Variants in ADAM32 observed in about 807,000 individuals in gnomAD.
ADAM32 encodes the protein disintegrin and metalloproteinase domain-containing protein 32.
Under a neutral mutation model 114.9 loss-of-function variants are expected in ADAM32, and 89 were observed. The observed-to-expected ratio is 0.77, with a 90% confidence interval of 0.65 to 0.92. ADAM32 has a LOEUF of 0.92. Among genes scored for constraint, ADAM32 ranks in the 40% least tolerant of loss-of-function variants. ADAM32 has a pLI of 0.00. For synonymous variants in ADAM32, 285 were observed against 307.5 expected (o/e 0.93, Z 0.77); for missense variants, 870 against 932.8 (o/e 0.93, Z 0.88).
At chr8:39,241,224 G>A (rs1810530374) in intron 16 of ADAM32, among the ~76,000 whole-genome samples, 2 of 152,356 alleles carry the variant, frequency 1.3e-5, no homozygotes, top group African/African-American at 4.8e-5. Flanking sequence ...CTCTGCACCT[G>A]TGACTTTGCA....
At chr8:39,224,111 C>A (rs769038646) in intron 14 of ADAM32, 4 of 152,116 alleles carry the variant, frequency 2.6e-5, no homozygotes, top group Non-Finnish European at 5.9e-5. Flanking sequence ...GAACTTTCTT[C>A]TCTTATACTC....
intron 20 of ADAM32, among the ~76,000 whole-genome samples, chr8:39,271,468 A>C (rs1304702750): frequency 6.6e-6 from 1 of 151,982 alleles, no homozygotes; most frequent in Non-Finnish European, 1.5e-5. Context: ...TACAAAAAAA[A>C]AAAAAGCCAC....
At chr8:39,189,234 G>T (rs1806445842) in intron 11 of ADAM32, among the ~76,000 whole-genome samples, 1 of 152,052 alleles carries the variant, frequency 6.6e-6, no homozygotes. Context: ...TTTGCCTAAG[G>T]CCTCATAAGT....
At chr8:39,213,995 C>A (rs1056548607) in intron 12 of ADAM32, among the ~76,000 whole-genome samples, 1 of 152,136 alleles carries the variant, frequency 6.6e-6, no homozygotes, top group Admixed American at 6.6e-5. Context: ...CTAGTTCCAT[C>A]CATGTTGCAA....
rs1192313672 is a variant in ADAM32 at position 39,281,135 on chromosome 8, G to T, written c.2280-1G>T. 7 of 1,329,310 alleles carry T rather than the reference G, an allele frequency of 5.3e-6. No homozygotes were observed. The highest frequency in any genetic ancestry group is 1.9e-4 in the Middle Eastern group (1 of 5,230). The allele number at this position is 1,329,310 out of a possible 1,614,324, so 82.3% of individuals were successfully genotyped here. ...ATATATTGTTTTTAATTTATTTTTA[G>T]ATCCAAATCAGAAGATAGTGCTGAA... On this transcript the variant is annotated splice_acceptor_variant, in intron 22 of 24. Transcript: ENST00000379907. LOFTEE classifies it high-confidence loss of function.
chr8:39,193,812 A>T (rs1806759777), intron 11 of ADAM32, among the ~76,000 whole-genome samples: 1 of 152,006 alleles, frequency 6.6e-6, no homozygotes, highest in African/African-American at 2.4e-5. Context: ...ATTCTGTGGG[A>T]CTAGTATCAT....
intron 6 of ADAM32, among the ~76,000 whole-genome samples, chr8:39,159,103 T>G (rs991812451): frequency 2.6e-5 from 4 of 152,186 alleles, no homozygotes; most frequent in Admixed American, 2.0e-4. Context: ...ATTTGAACAT[T>G]TTGAATATTT....
intron 18 of ADAM32, among the ~76,000 whole-genome samples, chr8:39,256,602 C>A (rs940651703): frequency 1.3e-5 from 2 of 152,016 alleles, no homozygotes; most frequent in Non-Finnish European, 2.9e-5. Flanking sequence ...TGGGGATGTA[C>A]GGTGAGCAAA....
At chr8:39,238,012 C>T (rs1251457912) in intron 16 of ADAM32, among the ~76,000 whole-genome samples, 1 of 152,210 alleles carries the variant, frequency 6.6e-6, no homozygotes, top group Non-Finnish European at 1.5e-5. Flanking sequence ...CAACCCTGCT[C>T]CAAGGAAGGA....
intron 16 of ADAM32, among the ~76,000 whole-genome samples, chr8:39,240,238 A>T (rs1001990659): frequency 5.9e-5 from 9 of 152,240 alleles, no homozygotes; most frequent in Non-Finnish European, 1.2e-4. Context: ...CTCTCAGACC[A>T]CAGCGGAATA....
Position 39,121,802 on chromosome 8 carries a change from G to A in ADAM32, c.138+3637G>A, listed in dbSNP as rs191192848. Reference sequence around the variant, plus strand: ...CACCCAGAGCTGTGGGGGCAGAGCCGCTTTACAGAGCTGAGGGGATGGGGC... The same window carrying A: ...CACCCAGAGCTGTGGGGGCAGAGCCACTTTACAGAGCTGAGGGGATGGGGC... On this transcript the variant is annotated intron_variant, in intron 2 of 24. Coordinates refer to ENST00000379907, the MANE Select transcript of ADAM32 (RefSeq NM_145004.7). Among the ~76,000 whole-genome samples, 92 of 152,230 alleles carry A rather than the reference G, an allele frequency of 6.0e-4. 1 individual carries two copies. Among genetic ancestry groups the A allele is most frequent in the African/African-American group, 8.9e-4 (37 of 41,534 alleles).
intron 6 of ADAM32, chr8:39,158,802 T>C (rs185119323): frequency 6.6e-6 from 1 of 152,444 alleles, no homozygotes; most frequent in Non-Finnish European, 1.5e-5. Context: ...TTCTGCTTGC[T>C]CAACTATGTT....
chr8:39,208,464 G>A lies in ADAM32; in HGVS notation c.1053-2680G>A, dbSNP rs1406980200. The stretch of plus-strand genomic sequence containing the variant: ...GAATGGTTTACACACCATAGTTACA[G>A]TGTTAGAGTGTTCTAAATTTGTTTG... On this transcript the variant is annotated intron_variant, in intron 11 of 24. Transcript: ENST00000379907. Among the ~76,000 whole-genome samples, 2 of 152,140 alleles carry A rather than the reference G, an allele frequency of 1.3e-5. 1 individual carries two copies. Among genetic ancestry groups the A allele is most frequent in the Non-Finnish European group, 2.9e-5 (2 of 67,998 alleles).
chr8:39,185,346 A>AAAAAAACC (rs1554609618), intron 10 of ADAM32, among the ~76,000 whole-genome samples: 44 of 146,552 alleles, frequency 3.0e-4, no homozygotes, highest in Middle Eastern at 6.9e-3. Context: ...AGTCTACAAA[A>AAAAAAACC]AAAAAACAAA....
chr8:39,266,648 T>C (rs927731972), intron 19 of ADAM32, among the ~76,000 whole-genome samples: 4 of 152,202 alleles, frequency 2.6e-5, no homozygotes, highest in Admixed American at 2.6e-4. Flanking sequence ...TATATGTCTG[T>C]CATTATAGCC....
At chr8:39,212,763 T>A (rs1197503325) in intron 12 of ADAM32, among the ~76,000 whole-genome samples, 1 of 152,166 alleles carries the variant, frequency 6.6e-6, no homozygotes, top group Non-Finnish European at 1.5e-5. Flanking sequence ...TATTCTTAAT[T>A]TGTAGAAGTA....
intron 21 of ADAM32, among the ~76,000 whole-genome samples, chr8:39,275,544 T>G (rs1341666740): frequency 1.3e-5 from 2 of 152,230 alleles, no homozygotes; most frequent in Non-Finnish European, 2.9e-5. Flanking sequence ...AAATAAAGCA[T>G]GTATTCTGTG....
At chr8:39,241,978 A>T (rs553752624) in intron 16 of ADAM32, among the ~76,000 whole-genome samples, 25 of 152,300 alleles carry the variant, frequency 1.6e-4, no homozygotes, top group Admixed American at 1.1e-3. Flanking sequence ...AATAGCACCC[A>T]AGTCACCTCT....
intron 3 of ADAM32, among the ~76,000 whole-genome samples, chr8:39,139,268 G>T (rs576395987): frequency 6.6e-6 from 1 of 152,140 alleles, no homozygotes; most frequent in Non-Finnish European, 1.5e-5. Context: ...TCTCCTGAAT[G>T]GTATTGCCTA....
Sources: gnomAD v4.1 joint callset for allele counts (sites outside exome capture counted in the v4.1 genomes callset) on GRCh38, gnomAD v4.1.1 for gene constraint, MANE v1.5 for transcripts, NCBI Gene and HGNC (gene_info 2026-07-23, HGNC 2026-07-21) for gene names.